Variants in BCL2L14 observed in about 807,000 individuals in gnomAD.
BCL2L14 encodes apoptosis facilitator Bcl-2-like protein 14.
A neutral mutation model predicts 35.3 loss-of-function variants in BCL2L14; 27 were observed. That is an observed-to-expected ratio of 0.76 (90% confidence interval 0.56 to 1.05). BCL2L14 has a LOEUF of 1.05. Ranked by LOEUF, BCL2L14 falls within the 50% of genes least tolerant of loss-of-function variation. The probability of loss-of-function intolerance (pLI) is 0.00; values close to 1 mark genes in which losing one functional copy is unlikely to be tolerated. For missense variants in BCL2L14, 377 were observed against 382.6 expected (o/e 0.99, Z 0.12); for synonymous variants, 139 against 145.9 (o/e 0.95, Z 0.34).
At chr12:12,055,902 T>A (rs2136708314) in intron 2 of BCL2L14, 1 of 152,340 alleles carries the variant, frequency 6.6e-6, no homozygotes, top group Admixed American at 6.5e-5. Context: ...TTAGTCAGGT[T>A]CCTCTGAGCC....
intron 2 of BCL2L14, among the ~76,000 whole-genome samples, chr12:12,080,360 C>G (rs922669155): frequency 3.3e-5 from 5 of 152,092 alleles, no homozygotes; most frequent in Non-Finnish European, 7.3e-5. Flanking sequence ...GTGGCTCATG[C>G]CTGTAATTCC....
intron 2 of BCL2L14, among the ~76,000 whole-genome samples, chr12:12,085,506 C>T (rs904604968): frequency 6.6e-6 from 1 of 152,186 alleles, no homozygotes; most frequent in Non-Finnish European, 1.5e-5. Context: ...TCTTAAAAAA[C>T]GAGGAGGAAA....
At chr12:12,091,220 G>A (rs1375170579) in intron 4 of BCL2L14, among the ~76,000 whole-genome samples, 1 of 152,226 alleles carries the variant, frequency 6.6e-6, no homozygotes, top group Non-Finnish European at 1.5e-5. Context: ...CTGGATATCT[G>A]TGTCCCACAG....
chr12:12,056,392 C>T (rs147859015), intron 2 of BCL2L14, among the ~76,000 whole-genome samples: 39 of 152,290 alleles, frequency 2.6e-4, no homozygotes, highest in African/African-American at 9.4e-4. Context: ...GCTTCTTTCT[C>T]CCGATCACTC....
At chr12:12,092,059 G>A (rs1949200227) in intron 4 of BCL2L14, among the ~76,000 whole-genome samples, 1 of 152,208 alleles carries the variant, frequency 6.6e-6, no homozygotes, top group Non-Finnish European at 1.5e-5. Flanking sequence ...TTTCAGCACA[G>A]AACTCCGAGG....
intron 3 of BCL2L14, among the ~76,000 whole-genome samples, chr12:12,089,109 G>A (rs1490393444): frequency 1.3e-5 from 2 of 152,234 alleles, no homozygotes; most frequent in East Asian, 1.9e-4. Context: ...GCTCGTGCCT[G>A]TAATCCCAGC....
At chr12:12,068,592 T>C (rs11609217), upstream of BCL2L14, among the ~76,000 whole-genome samples, 1 of 151,754 alleles carries the variant, frequency 6.6e-6, no homozygotes, top group East Asian at 1.9e-4. Context: ...GAATACCTGG[T>C]CTCCAGTGAT....
chr12:12,059,112 T>TA lies in BCL2L14; in HGVS notation c.-272+7265_-272+7266insA, dbSNP rs1431298186. On this transcript the variant is annotated intron_variant, in intron 2 of 3. Coordinates refer to the BCL2L14 transcript ENST00000461264. ...CAAAACTCCGGTGCCGGTCACGGACTGGGAATGCAGCCTTCCCTTAGTGTT... is the reference window on the plus strand; with the variant it reads ...CAAAACTCCGGTGCCGGTCACGGACTAGGGAATGCAGCCTTCCCTTAGTGTT... 7.2e-5 allele frequency among the ~76,000 whole-genome samples: 11 copies of TA among 152,338 alleles called. No homozygotes were observed. In the Middle Eastern group the frequency reaches 0.014, roughly 188 times the overall value.
intron 4 of BCL2L14, among the ~76,000 whole-genome samples, chr12:12,091,519 T>C (rs1949188345): frequency 6.6e-6 from 1 of 152,184 alleles, no homozygotes; most frequent in South Asian, 2.1e-4. Context: ...CTCTAGAATC[T>C]GTCAATCAGG....
intron 1 of BCL2L14, chr12:12,077,737 G>T (rs933761440): frequency 1.0e-5 from 2 of 197,636 alleles, no homozygotes; most frequent in African/African-American, 4.6e-5. Context: ...GGAGTAACCT[G>T]CCACAGGTCA....
intron 4 of BCL2L14, among the ~76,000 whole-genome samples, chr12:12,091,920 G>T (rs1459395640): frequency 1.3e-5 from 2 of 152,148 alleles, no homozygotes; most frequent in Admixed American, 1.3e-4. Flanking sequence ...TCTCCTTATG[G>T]TAAGAATGAA....
chr12:12,088,805 T>C (rs1338589309), intron 3 of BCL2L14, among the ~76,000 whole-genome samples: 1 of 151,898 alleles, frequency 6.6e-6, no homozygotes, highest in East Asian at 1.9e-4. Flanking sequence ...GTAGCCACAC[T>C]AAAGGGGCCA....
chr12:12,090,647 A>G, intron 3 of BCL2L14, 132 bp from the exon 4 acceptor site: 2 of 184,514 alleles, frequency 1.1e-5, no homozygotes, highest in African/African-American at 4.0e-5. Context: ...AATAAAAAAT[A>G]AAAAAAAAAA....
chr12:12,098,372 G>A (rs1316328999), intron 5 of BCL2L14, among the ~76,000 whole-genome samples: 2 of 152,190 alleles, frequency 1.3e-5, no homozygotes, highest in African/African-American at 2.4e-5. Context: ...CTGTAAGGGT[G>A]AGATCATGTT....
intron 2 of BCL2L14, among the ~76,000 whole-genome samples, chr12:12,059,229 G>C (rs796273730): frequency 2.0e-5 from 3 of 151,888 alleles, no homozygotes; most frequent in African/African-American, 7.2e-5. Flanking sequence ...TTCACCCTTA[G>C]CGGCAAGTCC....
rs1591843349 is a variant in BCL2L14 at position 12,099,220 on chromosome 12, C to A, written c.*232C>A. 1 of 526,018 alleles carries A rather than the reference C, an allele frequency of 1.9e-6. No homozygotes were observed. Among genetic ancestry groups the A allele is most frequent in the Non-Finnish European group, 3.4e-6 (1 of 293,282 alleles). The allele number at this position is 526,018 out of a possible 1,614,324, so 32.6% of individuals were successfully genotyped here. Reference sequence around the variant, plus strand: ...TGTTTTTCAGGCCCTCCATTGAGAACCTGAGGAAATCTGTAAAGATAAGTG... The same window carrying A: ...TGTTTTTCAGGCCCTCCATTGAGAAACTGAGGAAATCTGTAAAGATAAGTG... On this transcript the variant is annotated 3_prime_UTR_variant, in exon 6 of 6. Transcript: ENST00000308721.
chr12:12,057,048 A>C (rs10845464), intron 2 of BCL2L14, among the ~76,000 whole-genome samples: 94,348 of 152,084 alleles, frequency 0.62, 30,107 homozygotes, highest in East Asian at 0.78. Context: ...TTATTTAACT[A>C]ATTTAACTGG....
intron 2 of BCL2L14, among the ~76,000 whole-genome samples, chr12:12,057,962 T>A (rs1238270279): frequency 2.7e-5 from 4 of 150,928 alleles, no homozygotes; most frequent in Admixed American, 6.6e-5. Context: ...TTTTTTTTTT[T>A]TTTTGAGATG....
At chr12:12,058,196 C>A (rs1402391500) in intron 2 of BCL2L14, among the ~76,000 whole-genome samples, 2 of 151,012 alleles carry the variant, frequency 1.3e-5, no homozygotes, top group African/African-American at 4.9e-5. Flanking sequence ...AGGTGATCTG[C>A]CCGCCTCGGC....
Sources: gnomAD v4.1 joint callset for allele counts (sites outside exome capture counted in the v4.1 genomes callset) on GRCh38, gnomAD v4.1.1 for gene constraint, MANE v1.5 for transcripts, NCBI Gene and HGNC (gene_info 2026-07-23, HGNC 2026-07-21) for gene names.